The following CCDC171 variants were observed in gnomAD, a reference collection of about 807,000 sequenced individuals.
CCDC171 encodes the protein coiled-coil domain containing 171.
Under a neutral mutation model 168.2 loss-of-function variants are expected in CCDC171, and 177 were observed. The observed-to-expected ratio is 1.05, with a 90% CI of 0.93 to 1.19. CCDC171 has a LOEUF of 1.19. Among genes scored for constraint, CCDC171 ranks in the 50% most tolerant of loss-of-function variants. CCDC171 has a pLI of 0.00. For missense variants in CCDC171, 1,991 were observed against 1,539.0 expected, an observed-to-expected ratio of 1.29 and a Z score of -4.91; for synonymous variants, 687 against 540.8, an observed-to-expected ratio of 1.27 and a Z score of -3.75.
chr9:15,906,595 C>A (rs947741437), intron 24 of CCDC171, among the ~76,000 whole-genome samples: 5 of 152,140 alleles, frequency 3.3e-5, no homozygotes, highest in Non-Finnish European at 7.4e-5. Flanking sequence ...TGGAAGCATT[C>A]CCTCTGAAAA....
intron 25 of CCDC171, among the ~76,000 whole-genome samples, chr9:15,950,885 C>T (rs982291737): frequency 6.0e-5 from 9 of 151,216 alleles, no homozygotes; most frequent in African/African-American, 1.4e-4. Flanking sequence ...AGCCATCTCA[C>T]GTGCAGAGAC....
At position 15,721,848 on chromosome 9, in the gene CCDC171, G is replaced by C. The variant is rs778443566; in HGVS notation, c.1398G>C (p.Gln466His). The C allele has an allele frequency of 3.9e-6, 6 of 1,553,696 alleles. No individual in the cohort carries two copies. In the South Asian group the frequency reaches 6.1e-5, roughly 16 times the overall value. The change falls in exon 12 of 26, where the codon CAG (glutamine) becomes CAC (histidine). Residue 466 changes from glutamine to histidine, a missense_variant. Transcript: ENST00000380701. ...TGAGGCGTACCTTGACAGATTACCA[G>C]AACAAGCTGGAAGATGCATCTAATG... ...ERLRRTLTDY[Q>H]NKLEDASNEE...
At chr9:15,949,497 T>C (rs1166217015) in intron 25 of CCDC171, among the ~76,000 whole-genome samples, 4 of 152,230 alleles carry the variant, frequency 2.6e-5, no homozygotes, top group South Asian at 2.1e-4. Context: ...TTTTATTTCA[T>C]TGAGCAGTGG....
intron 1 of CCDC171, among the ~76,000 whole-genome samples, chr9:16,049,608 G>T (rs910924296): frequency 6.6e-6 from 1 of 152,088 alleles, no homozygotes; most frequent in African/African-American, 2.4e-5. Context: ...CAGCACCCTG[G>T]GTCCTGAGGC....
At chr9:15,927,960 AT>A (rs928673712) in intron 25 of CCDC171, among the ~76,000 whole-genome samples, 3 of 151,630 alleles carry the variant, frequency 2.0e-5, no homozygotes, top group Admixed American at 2.0e-4. Context: ...CTTTAAGAAT[AT>A]TTTTTTGAAA....
At chr9:15,710,098 T>C (rs1365949907) in intron 11 of CCDC171, among the ~76,000 whole-genome samples, 2 of 152,148 alleles carry the variant, frequency 1.3e-5, no homozygotes, top group Non-Finnish European at 1.5e-5. Flanking sequence ...TAACTTTGAC[T>C]CTAAAAAATG....
In CCDC171 at chr9:15,724,779, C is replaced by G. The variant is rs751510091; in HGVS notation, c.1495C>G (p.Leu499Val). The change falls in exon 14 of 26, where the codon CTT (leucine) becomes GTT (valine). Residue 499 changes from leucine to valine, a missense_variant. By Grantham distance (32) the Leu-to-Val change is conservative. Coordinates refer to ENST00000380701, the MANE Select transcript of CCDC171 (RefSeq NM_173550.4). ...CTTTATTTGGTATCTATGACAGGAA[C>G]TTCAGGATAAACTGGCTGATGTTAA... Reference protein sequence around the residue: ...IDSHTKNIKELQDKLADVNKE... With the variant: ...IDSHTKNIKEVQDKLADVNKE... 4.3e-6 allele frequency: 7 copies of G among 1,611,880 alleles called. No homozygotes were observed. The South Asian group carries it at 7.7e-5, about 18-fold the overall frequency.
At chr9:15,953,843 A>G (rs1829474330) in intron 25 of CCDC171, among the ~76,000 whole-genome samples, 1 of 151,998 alleles carries the variant, frequency 6.6e-6, no homozygotes, top group African/African-American at 2.4e-5. Flanking sequence ...TACTGAGTCA[A>G]TCTGTTTACT....
At chr9:15,662,624 A>G (rs1360038284) in intron 8 of CCDC171, among the ~76,000 whole-genome samples, 2 of 152,166 alleles carry the variant, frequency 1.3e-5, no homozygotes, top group African/African-American at 4.8e-5. Context: ...TATTGTATGT[A>G]TCTTGAGCAT....
intron 25 of CCDC171, among the ~76,000 whole-genome samples, chr9:15,943,121 G>C (rs1221409369): frequency 6.6e-6 from 1 of 151,918 alleles, no homozygotes; most frequent in East Asian, 1.9e-4. Context: ...CATAAGAATG[G>C]TTCTATATTA....
At chr9:15,683,899 T>A (rs1445131389) in intron 10 of CCDC171, among the ~76,000 whole-genome samples, 1 of 152,070 alleles carries the variant, frequency 6.6e-6, no homozygotes, top group Non-Finnish European at 1.5e-5. Flanking sequence ...TTGTCAAAGC[T>A]AAGTAAAGAA....
At chr9:15,934,400 AAAAAAG>A (rs1342168351) in intron 25 of CCDC171, among the ~76,000 whole-genome samples, 1 of 151,428 alleles carries the variant, frequency 6.6e-6, no homozygotes, top group Non-Finnish European at 1.5e-5. Flanking sequence ...AAAAAAAAAA[AAAAAAG>A]AAAAGAAAAG....
chr9:16,062,452 A>C (rs1445230191), downstream of CCDC171, among the ~76,000 whole-genome samples: 1 of 152,182 alleles, frequency 6.6e-6, no homozygotes, highest in Non-Finnish European at 1.5e-5. Context: ...ATCAGGTACT[A>C]AGTTTATTAC....
intron 21 of CCDC171, among the ~76,000 whole-genome samples, chr9:15,828,764 CAG>C (rs1463783600): frequency 6.6e-6 from 1 of 151,474 alleles, no homozygotes; most frequent in Non-Finnish European, 1.5e-5. Flanking sequence ...TTAGAGAAAA[CAG>C]AATGAAAACT....
chr9:15,809,795 T>G (rs866882658), intron 21 of CCDC171, among the ~76,000 whole-genome samples: 1 of 152,182 alleles, frequency 6.6e-6, no homozygotes, highest in Admixed American at 6.5e-5. Context: ...GCTTCCACAA[T>G]GTGGAAGAGG....
intron 18 of CCDC171, among the ~76,000 whole-genome samples, chr9:15,764,273 G>C (rs1386976385): frequency 2.0e-5 from 3 of 152,212 alleles, no homozygotes; most frequent in Non-Finnish European, 4.4e-5. Context: ...GGAAAGTTTT[G>C]AGTGGAAGAA....
intron 12 of CCDC171, among the ~76,000 whole-genome samples, chr9:15,722,184 A>G (rs1488883912): frequency 6.6e-6 from 1 of 152,188 alleles, no homozygotes; most frequent in Non-Finnish European, 1.5e-5. Context: ...TTAAGTTAAT[A>G]TGTACTGTAT....
intron 18 of CCDC171, among the ~76,000 whole-genome samples, chr9:15,770,749 G>C (rs2135269823): frequency 6.6e-6 from 1 of 152,290 alleles, no homozygotes; most frequent in South Asian, 2.1e-4. Context: ...AGTGCATGGT[G>C]CTTTTAAAAA....
At chr9:16,095,283 G>A in the CCDC171 span, among the ~76,000 whole-genome samples, 1 of 152,248 alleles carries the variant, frequency 6.6e-6, no homozygotes, top group African/African-American at 2.4e-5. Flanking sequence ...CGGTGAGCAT[G>A]GGCTGCTTTG....
Sources: gnomAD v4.1 joint callset for allele counts (sites outside exome capture counted in the v4.1 genomes callset) on GRCh38, gnomAD v4.1.1 for gene constraint, MANE v1.5 for transcripts, NCBI Gene and HGNC (gene_info 2026-07-23, HGNC 2026-07-21) for gene names.